Variants in SLC3A2 observed in about 807,000 individuals in gnomAD.
SLC3A2 encodes amino acid transporter heavy chain SLC3A2.
Under a neutral mutation model 48.5 loss-of-function variants are expected in SLC3A2, and 32 were observed. That is an observed-to-expected ratio of 0.66 (90% CI 0.50 to 0.89). The LOEUF (loss-of-function observed/expected upper bound fraction) is 0.89, where lower values mean the gene tolerates loss of function less well. Ranked by LOEUF, SLC3A2 falls within the 40% of genes least tolerant of loss-of-function variation. The probability of loss-of-function intolerance (pLI) is 0.00; values close to 1 mark genes in which losing one functional copy is unlikely to be tolerated. For synonymous variants in SLC3A2, 277 were observed against 288.8 expected (o/e 0.96, Z 0.41); for missense variants, 587 against 680.7 (o/e 0.86, Z 1.53).
intron 1 of SLC3A2, among the ~76,000 whole-genome samples, chr11:62,867,896 A>C (rs1241482719): frequency 1.3e-5 from 2 of 151,868 alleles, no homozygotes; most frequent in African/African-American, 2.4e-5. Context: ...AAATTATTTT[A>C]CAAATGTTCT....
chr11:62,884,722 T>C, intron 5 of SLC3A2, 32 bp downstream of exon 5: 1 of 1,554,364 alleles, frequency 6.4e-7, no homozygotes, highest in Non-Finnish European at 8.7e-7. Context: ...CTGACTCAGC[T>C]CCAATGTGGG....
intron 1 of SLC3A2, among the ~76,000 whole-genome samples, chr11:62,858,495 T>C (rs1057088621): frequency 5.9e-5 from 9 of 152,138 alleles, no homozygotes; most frequent in African/African-American, 1.9e-4. Flanking sequence ...AGTGGGCGGA[T>C]CACCTGAGGT....
At chr11:62,884,591 A>G (rs489381) in intron 4 of SLC3A2, 41 bp from the exon 5 acceptor site, 1,412,581 of 1,613,272 alleles carry the variant, frequency 0.88, 622,349 homozygotes, top group Non-Finnish European at 0.9. Flanking sequence ...CTAGAGCCTC[A>G]TAATATTCTC....
intron 3 of SLC3A2, chr11:62,883,831 T>C (rs1251382547): frequency 5.6e-6 from 2 of 358,016 alleles, no homozygotes; most frequent in African/African-American, 2.1e-5. Context: ...AAAAGGAGAA[T>C]GGGGGTGAAG....
upstream of SLC3A2, among the ~76,000 whole-genome samples, chr11:62,880,002 G>GTCT (rs2085612235): frequency 1.3e-5 from 2 of 152,160 alleles, no homozygotes; most frequent in African/African-American, 4.8e-5. Flanking sequence ...CTGCAAGGTG[G>GTCT]GTAAGAGTCT....
chr11:62,875,001 G>A (rs1449753458), intron 1 of SLC3A2, among the ~76,000 whole-genome samples: 2 of 152,208 alleles, frequency 1.3e-5, no homozygotes, highest in African/African-American at 4.8e-5. Flanking sequence ...GACTTCAAAT[G>A]ATCTGCCCGC....
Position 62,883,296 on chromosome 11 carries a change from G to A in SLC3A2, c.690+297G>A, listed in dbSNP as rs1182795820. 3 of 357,796 alleles carry A rather than the reference G, an allele frequency of 8.4e-6. No individual in the cohort carries two copies. The East Asian group carries it at 1.6e-4, about 19-fold the overall frequency. The allele number at this position is 357,796 out of a possible 1,614,324, so 22.2% of individuals were successfully genotyped here. A position where few individuals can be genotyped will look rare whatever the true frequency, so the allele number is the denominator to read the frequency against. ...TTGATTTTTCTTTCTTTTGGGAGAGGAAGCCCTTTCTCTGTGAGAATCCTG... is the reference window on the plus strand; with the variant it reads ...TTGATTTTTCTTTCTTTTGGGAGAGAAAGCCCTTTCTCTGTGAGAATCCTG... On this transcript the variant is annotated intron_variant, in intron 3 of 8. Coordinates refer to ENST00000338663, the MANE Select transcript of SLC3A2 (RefSeq NM_001013251.3).
chr11:62,875,515 G>A (rs1389720114), intron 1 of SLC3A2, among the ~76,000 whole-genome samples: 2 of 152,056 alleles, frequency 1.3e-5, no homozygotes, highest in Admixed American at 6.6e-5. Context: ...CAGCCTGGGC[G>A]ACAGAGCGAG....
chr11:62,870,845 TA>T (rs1565247751), intron 1 of SLC3A2: 15 of 139,750 alleles, frequency 1.1e-4, no homozygotes, highest in African/African-American at 6.3e-4. Flanking sequence ...TAGGTAATAA[TA>T]ATAATAATAA....
Position 62,881,974 on chromosome 11 carries a change from A to G in SLC3A2, c.506A>G (p.Asp169Gly), listed in dbSNP as rs746119027. Residue 169 changes from aspartate to glycine, a missense_variant, in exon 2 of 9, where the codon GAT becomes GGT. Around this residue, in one of 3 missense-constraint regions of SLC3A2, gnomAD observed 409 missense variants for 446.7 expected, o/e 0.92. Transcript: ENST00000338663. This position sits in a 1 kb window ranked among gnomAD's most constrained non-coding sequence, Gnocchi z 4.0. ...VLGPIHKNQKDDVAQTDLLQI... is the reference protein window; with the variant it reads ...VLGPIHKNQKGDVAQTDLLQI... ...GGTCCAATTCACAAGAACCAGAAGG[A>G]TGATGTCGCTCAGACTGACTTGCTG... 3.7e-6 allele frequency: 6 copies of G among 1,614,192 alleles called. No homozygotes were observed. In the South Asian group the frequency reaches 6.6e-5, roughly 18 times the overall value.
At chr11:62,880,854 G>T, upstream of SLC3A2, 1 of 1,380,236 alleles carries the variant, frequency 7.2e-7, no homozygotes, top group Non-Finnish European at 9.5e-7. Flanking sequence ...GCCGGGGCGG[G>T]GCTCCGCTGC....
upstream of SLC3A2, chr11:62,880,619 T>C (rs1029411276): frequency 5.8e-6 from 1 of 171,786 alleles, no homozygotes; most frequent in Non-Finnish European, 1.3e-5. Context: ...TAAAGGACAC[T>C]GGAGGGGCCT....
chr11:62,876,223 A>G (rs994570381), upstream of SLC3A2, among the ~76,000 whole-genome samples: 1 of 152,194 alleles, frequency 6.6e-6, no homozygotes, highest in African/African-American at 2.4e-5. Flanking sequence ...AAGATCAAGT[A>G]ATAATCCTCA....
rs1336904827 is a variant in SLC3A2 at position 62,888,213 on chromosome 11, G to A, written c.1222G>A (p.Val408Met). The change falls in exon 8 of 9, where the codon GTG (valine) becomes ATG (methionine). Residue 408 changes from valine (V) to methionine (M), a missense_variant. By Grantham distance (21) the Val-to-Met change is conservative (BLOSUM62 1). Transcript: ENST00000338663. ...IPGAVSANMT[V>M]KGQSEDPGSL... ...AGGGGCTGTAAGTGCCAACATGACT[G>A]TGAAGGTAAGAGTTCTAGATGGGTA... 1 of 1,613,958 alleles carries A rather than the reference G, an allele frequency of 6.2e-7. No homozygotes were observed. The highest frequency in any genetic ancestry group is 1.7e-5 in the Admixed American group (1 of 59,994).
At chr11:62,860,196 C>G (rs1180096114) in intron 1 of SLC3A2, among the ~76,000 whole-genome samples, 1 of 152,062 alleles carries the variant, frequency 6.6e-6, no homozygotes, top group Non-Finnish European at 1.5e-5. Flanking sequence ...ACACAAACAT[C>G]TCAGCGCAGT....
chr11:62,880,137 G>A (rs1255472555), upstream of SLC3A2, among the ~76,000 whole-genome samples: 1 of 152,166 alleles, frequency 6.6e-6, no homozygotes, highest in African/African-American at 2.4e-5. Context: ...CAAACATCCA[G>A]GTGCTAGCAG....
At chr11:62,884,359 G>T (rs1462441848) in intron 3 of SLC3A2, 98 bp from the exon 4 acceptor site, 2 of 1,329,712 alleles carry the variant, frequency 1.5e-6, no homozygotes, top group East Asian at 2.3e-5. Flanking sequence ...CCCAGCTCCC[G>T]GGGAAGTGTG....
At position 62,881,646 on chromosome 11, in the gene SLC3A2, C is replaced by CCGTCA; in HGVS notation, c.424+202_424+206dup. Reference sequence around the variant, plus strand: ...GAAGAAAGCCGACCCGCCCCTCACTCCGTCACGAGGGTGGGTGACTCAGCG... The same window carrying CCGTCA: ...GAAGAAAGCCGACCCGCCCCTCACTCCGTCACGTCACGAGGGTGGGTGACTCAGCG... On this transcript the variant is annotated intron_variant, in intron 1 of 8. Coordinates refer to ENST00000338663, the MANE Select transcript of SLC3A2 (RefSeq NM_001013251.3). This position sits in a 1 kb window ranked among gnomAD's most constrained non-coding sequence, Gnocchi z 4.0. The CCGTCA allele has an allele frequency of 1.1e-6, 1 of 928,958 alleles. No individual in the cohort carries two copies. The allele number at this position is 928,958 out of a possible 1,614,324, so 57.5% of individuals were successfully genotyped here. A position where few individuals can be genotyped will look rare whatever the true frequency, so the allele number is the denominator to read the frequency against.
intron 1 of SLC3A2, chr11:62,870,725 ATTTTTTT>A (rs754127613): frequency 7.1e-6 from 1 of 141,678 alleles, no homozygotes; most frequent in Non-Finnish European, 1.5e-5. Context: ...TATTATTATT[ATTTTTTT>A]TTTTTTTTGT....
Sources: allele counts gnomAD v4.1 joint callset (sites outside exome capture counted in the v4.1 genomes callset), GRCh38; gene constraint gnomAD v4.1.1; regional missense constraint gnomAD v4.1.1; non-coding constraint Gnocchi (gnomAD v3.1); transcripts MANE v1.5; gene names NCBI Gene and HGNC (gene_info 2026-07-23, HGNC 2026-07-21).